The following SDK1 variants were observed in gnomAD, a reference collection of about 807,000 sequenced individuals.
SDK1 encodes sidekick cell adhesion molecule 1.
A neutral mutation model predicts 245.5 loss-of-function variants in SDK1; 157 were observed. The observed-to-expected ratio is 0.64, with a 90% CI of 0.56 to 0.73. SDK1 has a LOEUF of 0.73. Ranked by LOEUF, SDK1 falls within the 30% of genes least tolerant of loss-of-function variation. SDK1 has a pLI of 0.00. For synonymous variants in SDK1, 1,647 were observed against 1,278.5 expected (o/e 1.29, Z -6.15); for missense variants, 3,583 against 3,002.3 (o/e 1.19, Z -4.52).
rs1780059666 is a variant in SDK1, at chr7:3,331,165, G to C, written c.298+29281G>C. ...TGTAATCCTAGCTACTTGGGAGGCTGAGGCAGGAGAATCACTTGAATCTGG... is the reference window on the plus strand; with the variant it reads ...TGTAATCCTAGCTACTTGGGAGGCTCAGGCAGGAGAATCACTTGAATCTGG... On this transcript the variant is annotated intron_variant, in intron 1 of 44. Coordinates refer to ENST00000404826, the MANE Select transcript of SDK1 (RefSeq NM_152744.4). Among the ~76,000 whole-genome samples the C allele has an allele frequency of 2.6e-5, 4 of 152,274 alleles. No homozygotes were observed. The South Asian group carries it at 6.2e-4, about 24-fold the overall frequency.
chr7:3,521,331 T>C (rs994519134), intron 1 of SDK1, among the ~76,000 whole-genome samples: 15 of 152,192 alleles, frequency 9.9e-5, no homozygotes, highest in Admixed American at 7.9e-4. Flanking sequence ...TGAAAGTACC[T>C]TTTGCTTTGT....
intron 44 of SDK1, among the ~76,000 whole-genome samples, chr7:4,260,026 A>G (rs1477038735): frequency 2.0e-5 from 3 of 152,264 alleles, no homozygotes; most frequent in Non-Finnish European, 2.9e-5. Flanking sequence ...GTGTTCCCGA[A>G]AAAGGAGCCA....
chr7:3,452,136 C>T (rs1360408923), intron 1 of SDK1, among the ~76,000 whole-genome samples: 1 of 152,150 alleles, frequency 6.6e-6, no homozygotes, highest in Non-Finnish European at 1.5e-5. Flanking sequence ...AAGTTATGAG[C>T]ATTTTTGTTT....
chr7:3,335,313 T>C (rs1780172099), intron 1 of SDK1, among the ~76,000 whole-genome samples: 1 of 152,188 alleles, frequency 6.6e-6, no homozygotes. Flanking sequence ...CCCCTAAGCA[T>C]TATCCACCTG....
intron 5 of SDK1, among the ~76,000 whole-genome samples, chr7:3,854,768 C>A (rs1452719932): frequency 6.6e-6 from 1 of 152,114 alleles, no homozygotes; most frequent in Non-Finnish European, 1.5e-5. Context: ...CACTCCTTCT[C>A]ACTCCAAATA....
At chr7:3,944,402 C>G (rs1443363834) in intron 5 of SDK1, among the ~76,000 whole-genome samples, 1 of 152,152 alleles carries the variant, frequency 6.6e-6, no homozygotes, top group Non-Finnish European at 1.5e-5. Flanking sequence ...GGAACTGAGG[C>G]CTTATTCGTT....
intron 5 of SDK1, among the ~76,000 whole-genome samples, chr7:3,834,809 C>A (rs551819985): frequency 6.6e-6 from 1 of 152,284 alleles, no homozygotes; most frequent in East Asian, 1.9e-4. Context: ...TCAGTAAATA[C>A]TTGTCCAGTG....
chr7:3,490,151 A>G (rs1562518728), intron 1 of SDK1, among the ~76,000 whole-genome samples: 1 of 152,332 alleles, frequency 6.6e-6, no homozygotes, highest in East Asian at 1.9e-4. Context: ...GACTACTAGT[A>G]TAGTGTATCT....
intron 4 of SDK1, among the ~76,000 whole-genome samples, chr7:3,792,340 C>T (rs758384138): frequency 1.5e-4 from 23 of 152,022 alleles, no homozygotes; most frequent in Non-Finnish European, 3.2e-4. Flanking sequence ...TCCCTCTTTG[C>T]TTTCCTCTTC....
chr7:3,727,699 C>T (rs181168156), intron 4 of SDK1, among the ~76,000 whole-genome samples: 1,751 of 152,130 alleles, frequency 0.012, 17 homozygotes, highest in Non-Finnish European at 0.019. Flanking sequence ...CCATGTTGGC[C>T]GGGCTGGTCT....
intron 1 of SDK1, among the ~76,000 whole-genome samples, chr7:3,549,291 G>A (rs951962425): frequency 3.3e-5 from 5 of 152,128 alleles, no homozygotes; most frequent in Admixed American, 6.5e-5. Flanking sequence ...AGGCACCACC[G>A]GGTTGACACA....
intron 1 of SDK1, among the ~76,000 whole-genome samples, chr7:3,364,215 ATATT>A (rs1583748113): frequency 1.3e-5 from 2 of 152,212 alleles, no homozygotes; most frequent in East Asian, 3.8e-4. Context: ...GCGTACAAAT[ATATT>A]CTCACTCTGT....
At chr7:4,003,218 G>A (rs1235262465) in intron 14 of SDK1, among the ~76,000 whole-genome samples, 1 of 152,188 alleles carries the variant, frequency 6.6e-6, no homozygotes, top group Non-Finnish European at 1.5e-5. Flanking sequence ...TCCACTGCAG[G>A]TTCCACGCAG....
At chr7:4,003,536 T>A (rs1283035964) in intron 14 of SDK1, among the ~76,000 whole-genome samples, 2 of 152,194 alleles carry the variant, frequency 1.3e-5, no homozygotes, top group Non-Finnish European at 2.9e-5. Flanking sequence ...AGAACGTCAC[T>A]CAATCGGGAT....
intron 4 of SDK1, among the ~76,000 whole-genome samples, chr7:3,734,949 C>T (rs9639629): frequency 6.6e-6 from 1 of 152,160 alleles, no homozygotes; most frequent in Non-Finnish European, 1.5e-5. Context: ...GCCCTGTGTC[C>T]TTCATTCTCC....
chr7:3,695,998 A>G (rs1784562383), intron 4 of SDK1, among the ~76,000 whole-genome samples: 1 of 151,868 alleles, frequency 6.6e-6, no homozygotes, highest in African/African-American at 2.4e-5. Context: ...CTTTCCTCCC[A>G]CCGTTCTTCC....
At chr7:3,745,834 C>G (rs552985473) in intron 4 of SDK1, among the ~76,000 whole-genome samples, 1 of 152,236 alleles carries the variant, frequency 6.6e-6, no homozygotes, top group Non-Finnish European at 1.5e-5. Context: ...ATGTTTATCT[C>G]TTGAGAAAAA....
At chr7:3,760,080 C>G (rs1780048837) in intron 4 of SDK1, among the ~76,000 whole-genome samples, 1 of 151,720 alleles carries the variant, frequency 6.6e-6, no homozygotes, top group Non-Finnish European at 1.5e-5. Flanking sequence ...ATAACGTTGA[C>G]TGTTTACGCA....
intron 1 of SDK1, among the ~76,000 whole-genome samples, chr7:3,320,678 A>G (rs1779780041): frequency 6.6e-6 from 1 of 152,214 alleles, no homozygotes; most frequent in African/African-American, 2.4e-5. Flanking sequence ...AATCATGGCC[A>G]TCCCAGAATA....
Sources: allele counts gnomAD v4.1 joint callset (sites outside exome capture counted in the v4.1 genomes callset), GRCh38; gene constraint gnomAD v4.1.1; transcripts MANE v1.5; gene names NCBI Gene and HGNC (gene_info 2026-07-23, HGNC 2026-07-21).